The following SPTLC2 variants were observed in gnomAD, a reference collection of about 807,000 sequenced individuals.
The protein encoded by SPTLC2 is serine palmitoyltransferase 2.
In SPTLC2, 21 loss-of-function variants were observed where a neutral mutation model predicts 62.0. The ratio of observed to expected loss-of-function variants is 0.34; its 90% confidence interval spans 0.24 to 0.49. The LOEUF (loss-of-function observed/expected upper bound fraction) is 0.49. SPTLC2 is among the 20% of genes least tolerant of loss of function. The pLI, the probability that SPTLC2 is intolerant of heterozygous loss-of-function variation, is 0.99. For synonymous variants in SPTLC2, 261 were observed against 261.8 expected (o/e 1.00, Z 0.03); for missense variants, 511 against 713.0 (o/e 0.72, Z 3.23).
At chr14:77,589,106 G>GT (rs1425502996) in intron 2 of SPTLC2, among the ~76,000 whole-genome samples, 2 of 149,538 alleles carry the variant, frequency 1.3e-5, no homozygotes, top group East Asian at 4.1e-4. Context: ...CAATAATTCT[G>GT]TTTTTATCTC....
chr14:77,552,560 G>A (rs1330971691), intron 8 of SPTLC2, among the ~76,000 whole-genome samples: 1 of 152,050 alleles, frequency 6.6e-6, no homozygotes, highest in African/African-American at 2.4e-5. Context: ...AATCCCAGCA[G>A]TTTGGGAGGC....
rs2079780418 is a variant in SPTLC2 at position 77,586,180 on chromosome 14, A to G, written c.328-7071T>C. ...AACATTCGCCTCCTGGGTTCAAGCA[A>G]TTCTCGTACCTCAGCCTCTCAAGTA... On this transcript the variant is annotated intron_variant, in intron 2 of 11. Transcript: ENST00000216484. Among the ~76,000 whole-genome samples the G allele has an allele frequency of 2.6e-5, 4 of 151,478 alleles. No homozygotes were observed. In the South Asian group the frequency reaches 8.4e-4, roughly 32 times the overall value.
intron 9 of SPTLC2, among the ~76,000 whole-genome samples, chr14:77,543,242 G>A (rs2140010519): frequency 6.6e-6 from 1 of 152,216 alleles, no homozygotes; most frequent in East Asian, 1.9e-4. Flanking sequence ...TAGAGACACG[G>A]TTTCACTACT....
intron 2 of SPTLC2, among the ~76,000 whole-genome samples, chr14:77,591,791 T>C (rs1210525673): frequency 6.6e-6 from 1 of 152,142 alleles, no homozygotes; most frequent in Admixed American, 6.5e-5. Flanking sequence ...TGGTGTGATC[T>C]TGGCTCACTG....
chr14:77,534,735 T>C (rs765337976), intron 9 of SPTLC2, among the ~76,000 whole-genome samples: 1 of 151,972 alleles, frequency 6.6e-6, no homozygotes, highest in Non-Finnish European at 1.5e-5. Context: ...GAAGCAGATG[T>C]CATTAAAAAA....
chr14:77,517,250 G>GAAAA (rs952588835), intron 11 of SPTLC2, among the ~76,000 whole-genome samples: 1 of 148,252 alleles, frequency 6.7e-6, no homozygotes, highest in African/African-American at 2.5e-5. Context: ...TCTCAAAAAA[G>GAAAA]AAAAAAAAAA....
chr14:77,580,638 G>A (rs1401215142), intron 2 of SPTLC2, among the ~76,000 whole-genome samples: 3 of 150,896 alleles, frequency 2.0e-5, no homozygotes, highest in African/African-American at 4.9e-5. Context: ...TGGAAGGATC[G>A]CTTGTGGCCA....
intron 5 of SPTLC2, among the ~76,000 whole-genome samples, chr14:77,564,665 G>A (rs1305158039): frequency 4.6e-5 from 7 of 151,780 alleles, no homozygotes; most frequent in East Asian, 1.9e-4. Flanking sequence ...TGATCCTGGA[G>A]CATTTTATCA....
At chr14:77,550,929 AAAG>A (rs1209121648) in intron 9 of SPTLC2, among the ~76,000 whole-genome samples, 2 of 150,986 alleles carry the variant, frequency 1.3e-5, no homozygotes, top group Admixed American at 1.3e-4. Flanking sequence ...AAAAAAAAAA[AAAG>A]AAAGAAAGAA....
At chr14:77,529,987 C>T (rs2299911) in intron 9 of SPTLC2, among the ~76,000 whole-genome samples, 32,451 of 151,982 alleles carry the variant, frequency 0.21, 3,968 homozygotes, top group East Asian at 0.31. Context: ...TAAGACAGTA[C>T]TTTATAGTCT....
intron 6 of SPTLC2, 182 bp from the exon 7 acceptor site, chr14:77,557,328 A>G: frequency 1.6e-6 from 1 of 607,528 alleles, no homozygotes; most frequent in East Asian, 2.8e-5. Context: ...ATTGAAATCC[A>G]AAATGTAACA....
chr14:77,518,202 GA>G, intron 10 of SPTLC2, 35 bp from the exon 11 acceptor site: 3 of 1,613,672 alleles, frequency 1.9e-6, no homozygotes, highest in Non-Finnish European at 2.5e-6. Flanking sequence ...AAACCAGGAG[GA>G]GTGAAAAAGC....
intron 1 of SPTLC2, among the ~76,000 whole-genome samples, chr14:77,606,373 CTGTGTGTGTG>C (rs59065946): frequency 5.4e-5 from 8 of 148,238 alleles, no homozygotes; most frequent in African/African-American, 7.5e-5. Flanking sequence ...AGGGAGGGGA[CTGTGTGTGTG>C]TGTGTGTGTG....
At chr14:77,577,487 C>A (rs2079723043) in intron 3 of SPTLC2, among the ~76,000 whole-genome samples, 1 of 152,104 alleles carries the variant, frequency 6.6e-6, no homozygotes. Context: ...TAACACAGCC[C>A]AACATGTCAC....
At chr14:77,551,988 T>C in intron 9 of SPTLC2, 108 bp downstream of exon 9, 2 of 1,503,392 alleles carry the variant, frequency 1.3e-6, no homozygotes, top group Non-Finnish European at 1.8e-6. Flanking sequence ...CAGCCAGCTC[T>C]GCCTATTAGT....
intron 2 of SPTLC2, among the ~76,000 whole-genome samples, chr14:77,580,542 T>A (rs1332782333): frequency 2.1e-5 from 2 of 94,486 alleles, no homozygotes. Context: ...TAGAAAGGAA[T>A]TTTTTAAAAA....
intron 10 of SPTLC2, among the ~76,000 whole-genome samples, chr14:77,519,410 G>A (rs2079374953): frequency 6.6e-6 from 1 of 151,884 alleles, no homozygotes; most frequent in African/African-American, 2.4e-5. Context: ...GCTGTTTACA[G>A]CATTTGTTTG....
intron 3 of SPTLC2, among the ~76,000 whole-genome samples, chr14:77,578,051 G>A (rs2079726687): frequency 6.6e-6 from 1 of 151,650 alleles, no homozygotes; most frequent in African/African-American, 2.4e-5. Flanking sequence ...AGGCTAAGGT[G>A]GGAGAATCAC....
chr14:77,577,467 T>C (rs1278178504), intron 3 of SPTLC2, among the ~76,000 whole-genome samples: 1 of 152,200 alleles, frequency 6.6e-6, no homozygotes, highest in African/African-American at 2.4e-5. Context: ...CCCTGAGATT[T>C]TGAGATTATT....
Sources: allele counts gnomAD v4.1 joint callset (sites outside exome capture counted in the v4.1 genomes callset), GRCh38; gene constraint gnomAD v4.1.1; transcripts MANE v1.5; gene names NCBI Gene and HGNC (gene_info 2026-07-23, HGNC 2026-07-21).